Variants in UBE2E1 observed in about 807,000 individuals in gnomAD.
The protein encoded by UBE2E1 is ubiquitin conjugating enzyme E2 E1.
UBE2E1 carries 6 observed loss-of-function variants against 21.4 expected under a neutral mutation model. The observed-to-expected ratio is 0.28, with a 90% CI of 0.15 to 0.55. The LOEUF (loss-of-function observed/expected upper bound fraction) is 0.55, where lower values mean the gene tolerates loss of function less well. Ranked by LOEUF, UBE2E1 falls within the 20% of genes least tolerant of loss-of-function variation. The pLI is 0.93. For missense variants in UBE2E1, 142 were observed against 236.5 expected (o/e 0.60, Z 2.62); for synonymous variants, 87 against 82.7 (o/e 1.05, Z -0.28).
chr3:23,832,076 T>C lies in UBE2E1; in HGVS notation c.203+20566T>C, dbSNP rs1699879403. Among the ~76,000 whole-genome samples, 3 of 152,224 alleles carry C rather than the reference T, an allele frequency of 2.0e-5. No homozygotes were observed. In the South Asian group the frequency reaches 6.2e-4, roughly 32 times the overall value. On this transcript the variant is annotated intron_variant, in intron 3 of 5. Transcript: ENST00000306627. ...TTAATAATTGGCTTTTTGAGTTTGT[T>C]CAATACTTTAAGCTCTGTGAGCATA... is the stretch of plus-strand genomic sequence containing the variant.
Position 23,810,622 on chromosome 3 carries a change from TGTGGTGCCCGA to T in UBE2E1, c.153-833_153-823del. 8.1e-7 allele frequency: 1 copy of T among 1,228,174 alleles called. No individual in the cohort carries two copies. The highest frequency in any genetic ancestry group is 1.1e-6 in the Non-Finnish European group (1 of 912,414). The allele number at this position is 1,228,174 out of a possible 1,614,324, so 76.1% of individuals were successfully genotyped here. A position where few individuals can be genotyped will look rare whatever the true frequency, so the allele number is the denominator to read the frequency against. ...GGCCGCGGGCCGGCCACTTGGGGTC[TGTGGTGCCCGA>T]GTGGCGGGCGGGGGTGTTCGCGCCC... On this transcript the variant is annotated intron_variant, in intron 2 of 5. Transcript: ENST00000306627. The surrounding 1 kb of genome is among the most constrained non-coding windows in gnomAD (Gnocchi z 5.8).
At position 23,870,315 on chromosome 3, in the gene UBE2E1, C is replaced by T. The variant is rs1349873257; in HGVS notation, c.204-17252C>T. Among the ~76,000 whole-genome samples, 1 of 152,168 alleles carries T rather than the reference C, an allele frequency of 6.6e-6. No individual in the cohort carries two copies. Among genetic ancestry groups the T allele is most frequent in the Non-Finnish European group, 1.5e-5 (1 of 68,036 alleles). On this transcript the variant is annotated intron_variant, in intron 3 of 5. Coordinates refer to ENST00000306627, the MANE Select transcript of UBE2E1 (RefSeq NM_003341.5). The surrounding 1 kb of genome is among the most constrained non-coding windows in gnomAD (Gnocchi z 4.2). ...AAAAAAGGAGCCAGTTGTGAAGTCA[C>T]ACTTATATCACTTTAGACTTAAATA...
In UBE2E1 at chr3:23,889,758, T is replaced by A. The variant is rs987689962; in HGVS notation, c.484+499T>A. The A allele has an allele frequency of 9.1e-6, 9 of 985,162 alleles. No individual in the cohort carries two copies. The African/African-American group carries it at 1.6e-4, about 17-fold the overall frequency. The allele number at this position is 985,162 out of a possible 1,614,324, so 61.0% of individuals were successfully genotyped here. On this transcript the variant is annotated intron_variant, in intron 5 of 5. Transcript: ENST00000306627. ...TTGGGACTTCATTTCATTTAAAAAA[T>A]ATTTTTCTGTAGTCACAGCTACTAG... is the stretch of plus-strand genomic sequence containing the variant.
chr3:23,811,460 A>G lies in UBE2E1; in HGVS notation c.153A>G (p.Arg51=). 1 of 1,614,126 alleles carries G rather than the reference A, an allele frequency of 6.2e-7. No homozygotes were observed. Among genetic ancestry groups the G allele is most frequent in the African/African-American group, 1.3e-5 (1 of 75,016 alleles). ...NSKLLSTSAK[R]IQKELADITL... ...GTCTTTCCCATTTCTCCCACTCCAG[A>G]ATTCAGAAGGAGCTGGCGGACATCA... The change falls in exon 3 of 6, where the codon AGA becomes AGG. Residue 51 remains arginine (R), a splice_region_variant and synonymous_variant. Transcript: ENST00000306627.
At position 23,886,164 on chromosome 3, in the gene UBE2E1, A is replaced by G. The variant is rs138959026; in HGVS notation, c.204-1403A>G. Among the ~76,000 whole-genome samples, 380 of 152,334 alleles carry G rather than the reference A, an allele frequency of 2.5e-3. 1 individual carries two copies. Among genetic ancestry groups the G allele is most frequent in the African/African-American group, 8.7e-3 (360 of 41,584 alleles). ...ACAGTGACCCGAGATCATGCCACTC[A>G]CTGCATTCCAGCCTGGGTAGCAGAT... On this transcript the variant is annotated intron_variant, in intron 3 of 5. Coordinates refer to ENST00000306627, the MANE Select transcript of UBE2E1 (RefSeq NM_003341.5).
intron 3 of UBE2E1, among the ~76,000 whole-genome samples, chr3:23,883,960 G>C (rs900564287): frequency 7.9e-5 from 12 of 151,156 alleles, no homozygotes; most frequent in African/African-American, 2.9e-4. Context: ...GTCTTTTCCA[G>C]TGGATTCTCA....
intron 3 of UBE2E1, among the ~76,000 whole-genome samples, chr3:23,817,267 C>A (rs1173574529): frequency 6.6e-6 from 1 of 151,854 alleles, no homozygotes; most frequent in Admixed American, 6.6e-5. Flanking sequence ...ACTAAAAATA[C>A]AAAAATTAGC....
Position 23,889,000 on chromosome 3 carries a change from G to A in UBE2E1, c.337-112G>A, listed in dbSNP as rs974003346. 1.1e-5 allele frequency: 12 copies of A among 1,069,644 alleles called. No homozygotes were observed. The African/African-American group carries it at 1.6e-4, about 14-fold the overall frequency. The allele number at this position is 1,069,644 out of a possible 1,614,324, so 66.3% of individuals were successfully genotyped here. A position where few individuals can be genotyped will look rare whatever the true frequency, so the allele number is the denominator to read the frequency against. On this transcript the variant is annotated intron_variant, in intron 4 of 5. Transcript: ENST00000306627. The stretch of plus-strand genomic sequence containing the variant: ...AATCAAATTTATTGTCTATCTTCTT[G>A]ACAGCTTTAATTAAAACTGCTTTTA...
chr3:23,813,904 C>T (rs1187223535), intron 3 of UBE2E1, among the ~76,000 whole-genome samples: 2 of 152,176 alleles, frequency 1.3e-5, no homozygotes, highest in African/African-American at 2.4e-5. Context: ...ATATTAAGTG[C>T]GTACATGTTT....
At chr3:23,817,999 T>G (rs746069095) in intron 3 of UBE2E1, among the ~76,000 whole-genome samples, 11 of 152,108 alleles carry the variant, frequency 7.2e-5, no homozygotes, top group South Asian at 6.2e-4. Context: ...ACTTGGAGAT[T>G]GCTACAGTAG....
At chr3:23,813,502 T>C (rs1169955197) in intron 3 of UBE2E1, among the ~76,000 whole-genome samples, 6 of 152,204 alleles carry the variant, frequency 3.9e-5, no homozygotes, top group African/African-American at 7.2e-5. Context: ...AGTATTTTAA[T>C]GTACTTTATT....
In UBE2E1 at chr3:23,891,417, A is replaced by G. The variant is rs1701455652; in HGVS notation, c.*811A>G. 1.3e-5 allele frequency: 2 copies of G among 152,240 alleles called. No individual in the cohort carries two copies. The highest frequency in any genetic ancestry group is 4.8e-5 in the African/African-American group (2 of 41,466). The allele number at this position is 152,240 out of a possible 1,614,324, so 9.4% of individuals were successfully genotyped here. A position where few individuals can be genotyped will look rare whatever the true frequency, so the allele number is the denominator to read the frequency against. On this transcript the variant is annotated 3_prime_UTR_variant, in exon 6 of 6. Coordinates refer to ENST00000306627, the MANE Select transcript of UBE2E1 (RefSeq NM_003341.5). ...TTCTAAAACAAGCTAAAAATAATGC[A>G]TATTTAGTAGGTATTAGTTAGTTAC...
intron 3 of UBE2E1, among the ~76,000 whole-genome samples, chr3:23,817,069 T>C (rs1169147904): frequency 1.3e-5 from 2 of 152,214 alleles, no homozygotes; most frequent in African/African-American, 4.8e-5. Flanking sequence ...GAAAAATGCT[T>C]ATAGCTTAGA....
At position 23,811,569 on chromosome 3, in the gene UBE2E1, T is replaced by G. The variant is rs527773086; in HGVS notation, c.203+59T>G. 32 of 1,528,566 alleles carry G rather than the reference T, an allele frequency of 2.1e-5. No individual in the cohort carries two copies. The African/African-American group carries it at 3.5e-4, about 16-fold the overall frequency. The allele number at this position is 1,528,566 out of a possible 1,614,324, so 94.7% of individuals were successfully genotyped here. A position where few individuals can be genotyped will look rare whatever the true frequency, so the allele number is the denominator to read the frequency against. On this transcript the variant is annotated intron_variant, in intron 3 of 5. Transcript: ENST00000306627. ...AATTCTTCTAACCTTTGTCTTGGGT[T>G]TTTCTTTTTATTATATACTTTTTCT... is the stretch of plus-strand genomic sequence containing the variant.
In UBE2E1 at chr3:23,816,962, G is replaced by T. The variant is rs1223356074; in HGVS notation, c.203+5452G>T. On this transcript the variant is annotated intron_variant, in intron 3 of 5. Transcript: ENST00000306627. The surrounding 1 kb of genome is among the most constrained non-coding windows in gnomAD (Gnocchi z 4.8). Reference sequence around the variant, plus strand: ...TGAATGTAATTAATGCCACTAAATTGTACACTTAAAATGGTTAAAATGGCA... The same window carrying T: ...TGAATGTAATTAATGCCACTAAATTTTACACTTAAAATGGTTAAAATGGCA... 6.6e-6 allele frequency among the ~76,000 whole-genome samples: 1 copy of T among 152,100 alleles called. No individual in the cohort carries two copies. Among genetic ancestry groups the T allele is most frequent in the Non-Finnish European group, 1.5e-5 (1 of 68,030 alleles).
At chr3:23,829,602 C>T (rs1699827214) in intron 3 of UBE2E1, among the ~76,000 whole-genome samples, 1 of 152,078 alleles carries the variant, frequency 6.6e-6, no homozygotes, top group African/African-American at 2.4e-5. Context: ...CCCATACCTG[C>T]CCCTCTCCTG....
chr3:23,817,015 A>AGGT (rs1207852970), intron 3 of UBE2E1, among the ~76,000 whole-genome samples: 1 of 152,274 alleles, frequency 6.6e-6, no homozygotes, highest in African/African-American at 2.4e-5. Context: ...ATTTTATCAC[A>AGGT]ATAAACAGTT....
chr3:23,865,886 A>G (rs1311873455), intron 3 of UBE2E1, among the ~76,000 whole-genome samples: 1 of 152,158 alleles, frequency 6.6e-6, no homozygotes, highest in African/African-American at 2.4e-5. Flanking sequence ...AATGTCCCAC[A>G]TCAGCCCTCC....
intron 3 of UBE2E1, among the ~76,000 whole-genome samples, chr3:23,849,094 T>C (rs756469821): frequency 6.6e-6 from 1 of 152,230 alleles, no homozygotes; most frequent in Non-Finnish European, 1.5e-5. Flanking sequence ...TGCAAGTTTT[T>C]GCATGGCTAT....
Sources: allele counts gnomAD v4.1 joint callset (sites outside exome capture counted in the v4.1 genomes callset), GRCh38; gene constraint gnomAD v4.1.1; non-coding constraint Gnocchi (gnomAD v3.1); transcripts MANE v1.5; gene names NCBI Gene and HGNC (gene_info 2026-07-23, HGNC 2026-07-21).